GNL3L: variants seen among roughly 807,000 people sequenced by gnomAD.
GNL3L encodes guanine nucleotide-binding protein-like 3-like protein.
Under a neutral mutation model 42.9 loss-of-function variants are expected in GNL3L, and 4 were observed. The observed-to-expected ratio is 0.09, with a 90% CI of 0.05 to 0.21. The LOEUF is 0.21. Ranked by LOEUF, GNL3L falls within the 10% of genes least tolerant of loss-of-function variation. The probability of loss-of-function intolerance (pLI) is 1.00; values close to 1 mark genes in which losing one functional copy is unlikely to be tolerated. For synonymous variants in GNL3L, 159 were observed against 176.3 expected (o/e 0.90, Z 0.78); for missense variants, 412 against 481.7 (o/e 0.86, Z 1.36).
chrX:54,558,557 G>A lies in GNL3L; in HGVS notation c.1568G>A (p.Arg523His), dbSNP rs765688092. 1.7e-6 allele frequency: 2 copies of A among 1,209,140 alleles called. No individual in the cohort carries two copies. The highest frequency in any genetic ancestry group is 1.1e-6 in the Non-Finnish European group (1 of 893,428). ...SMVDVCSVDR[R>H]SVLQRIMETD... ...GTGGATGTCTGCTCAGTGGACCGCC[G>A]CTCAGTGCTGCAGAGGATCATGGAG... Residue 523 changes from arginine (R) to histidine (H), a missense_variant, in exon 15 of 16, where the codon CGC becomes CAC. By Grantham distance (29) the Arg-to-His change is conservative. Coordinates refer to ENST00000360845, the MANE Select transcript of GNL3L (RefSeq NM_001184819.2).
chrX:54,579,835 G>A (rs1299698333), intron 16 of GNL3L, among the ~76,000 whole-genome samples: 8 of 111,241 alleles, frequency 7.2e-5, no homozygotes, highest in South Asian at 3.7e-4. Context: ...GCGCCACAAC[G>A]CCTGGCTAAT....
intron 16 of GNL3L, among the ~76,000 whole-genome samples, chrX:54,617,029 A>G (rs1226253246): frequency 9.0e-6 from 1 of 111,661 alleles, no homozygotes; most frequent in Non-Finnish European, 1.9e-5. Context: ...CTGGCTTGTT[A>G]TTTGTGTGGG....
chrX:54,560,713 T>G lies in GNL3L; in HGVS notation c.*111T>G. On this transcript the variant is annotated 3_prime_UTR_variant, in exon 16 of 16. Transcript: ENST00000360845. Reference sequence around the variant, plus strand: ...AGCATCTGCATATTGAAAGAACGCTTTCCCCACTGTGTGTCTTCTCCCCCT... The same window carrying G: ...AGCATCTGCATATTGAAAGAACGCTGTCCCCACTGTGTGTCTTCTCCCCCT... 1.9e-6 allele frequency: 1 copy of G among 531,663 alleles called. No homozygotes were observed. The highest frequency in any genetic ancestry group is 3.5e-5 in the East Asian group (1 of 28,966). 43.8% of individuals were successfully genotyped at this position (531,663 alleles called of 1,213,427 possible).
At chrX:54,591,418 C>A (rs1027901303) in intron 16 of GNL3L, among the ~76,000 whole-genome samples, 2 of 109,058 alleles carry the variant, frequency 1.8e-5, no homozygotes, top group African/African-American at 6.7e-5. Context: ...CATGACAAAA[C>A]CCCATCTCTA....
chrX:54,623,657 C>T (rs754748532), downstream of GNL3L, among the ~76,000 whole-genome samples: 7 of 112,147 alleles, frequency 6.2e-5, no homozygotes, highest in African/African-American at 2.3e-4. Context: ...TACCCATTAA[C>T]ATGGGACTTG....
chrX:54,539,104 A>G lies in GNL3L; in HGVS notation c.81+3A>G, dbSNP rs1271073064. ...AGATAAGTTGGCCCTACCCTCAGGT[A>G]AGGTATGCCTGTTGTTGAGGGTAAG... is the stretch of plus-strand genomic sequence containing the variant. On this transcript the variant is annotated splice_donor_region_variant and intron_variant, in intron 3 of 15. Transcript: ENST00000360845. 3 of 1,070,391 alleles carry G rather than the reference A, an allele frequency of 2.8e-6. No homozygotes were observed. Among genetic ancestry groups the G allele is most frequent in the Non-Finnish European group, 3.9e-6 (3 of 775,199 alleles). 88.2% of individuals were successfully genotyped at this position (1,070,391 alleles called of 1,213,427 possible). A position where few individuals can be genotyped will look rare whatever the true frequency, so the allele number is the denominator to read the frequency against.
chrX:54,547,534 G>A (rs1260111187), intron 8 of GNL3L, among the ~76,000 whole-genome samples: 1 of 110,298 alleles, frequency 9.1e-6, no homozygotes, highest in Non-Finnish European at 1.9e-5. Context: ...GCGAAACTCT[G>A]TCTTTACTAA....
At chrX:54,547,894 C>T (rs940536200) in intron 8 of GNL3L, among the ~76,000 whole-genome samples, 4 of 111,652 alleles carry the variant, frequency 3.6e-5, no homozygotes, top group Non-Finnish European at 7.5e-5. Flanking sequence ...GCACTGAGGC[C>T]TGGAGAAGGG....
At chrX:54,540,384 T>A (rs1924574616) in intron 4 of GNL3L, 142 bp downstream of exon 4, 1 of 472,902 alleles carries the variant, frequency 2.1e-6, no homozygotes, top group African/African-American at 2.4e-5. Context: ...GAGGTTACCA[T>A]GATACTGGAT....
chrX:54,607,072 CTCTT>C (rs1353090651), intron 16 of GNL3L, among the ~76,000 whole-genome samples: 262 of 22,836 alleles, frequency 0.011, 16 homozygotes, highest in Middle Eastern at 0.027. Flanking sequence ...TTCTTTCTTT[CTCTT>C]TCTTTCTTCT....
chrX:54,642,260 A>G, the GNL3L span, among the ~76,000 whole-genome samples: 2 of 112,112 alleles, frequency 1.8e-5, no homozygotes, highest in African/African-American at 6.5e-5. Context: ...CCAGTGATGG[A>G]GCTGGTCTGT....
intron 16 of GNL3L, among the ~76,000 whole-genome samples, chrX:54,607,378 A>C (rs960739798): frequency 9.7e-6 from 1 of 103,447 alleles, no homozygotes; most frequent in Non-Finnish European, 2.0e-5. Context: ...TGAAAGAAAA[A>C]ATTTCCCTAT....
At position 54,566,076 on chromosome X, in the gene GNL3L, C is replaced by T. The variant is rs1925419877; in HGVS notation, c.*5474C>T. Among the ~76,000 whole-genome samples the T allele has an allele frequency of 9.0e-6, 1 of 111,419 alleles. No individual in the cohort carries two copies. The highest frequency in any genetic ancestry group is 1.9e-5 in the Non-Finnish European group (1 of 53,173). ...CCTCAAGTGATACACCCGTCTTAGC[C>T]TCCCAAAGTTCTGGGATTACAGGCA... is the stretch of plus-strand genomic sequence containing the variant. On this transcript the variant is annotated 3_prime_UTR_variant, in exon 16 of 16. Transcript: ENST00000360845.
downstream of GNL3L, among the ~76,000 whole-genome samples, chrX:54,621,967 T>C (rs905295312): frequency 1.8e-5 from 2 of 111,682 alleles, no homozygotes; most frequent in African/African-American, 6.5e-5. Context: ...GCAGTTTCTC[T>C]TGTGGCACAC....
chrX:54,587,400 CTAA>C (rs1362278768), intron 16 of GNL3L, among the ~76,000 whole-genome samples: 1 of 111,583 alleles, frequency 9.0e-6, no homozygotes, highest in Non-Finnish European at 1.9e-5. Flanking sequence ...CACTTTATGC[CTAA>C]TAATATTTGC....
intron 16 of GNL3L, among the ~76,000 whole-genome samples, chrX:54,587,664 T>A (rs1188805105): frequency 1.8e-5 from 2 of 110,514 alleles, no homozygotes; most frequent in Non-Finnish European, 3.8e-5. Flanking sequence ...GGAACAATTG[T>A]AATAGGGTGT....
At chrX:54,578,629 G>A (rs1285007257) in intron 16 of GNL3L, among the ~76,000 whole-genome samples, 1 of 112,146 alleles carries the variant, frequency 8.9e-6, no homozygotes, top group Non-Finnish European at 1.9e-5. Context: ...CCATTTTGTT[G>A]CATGTATCAT....
intron 16 of GNL3L, among the ~76,000 whole-genome samples, chrX:54,600,432 A>G (rs5915143): frequency 0.25 from 26,544 of 106,233 alleles, 6,285 homozygotes; most frequent in African/African-American, 0.74. Flanking sequence ...CTCCATGTTG[A>G]TCAGGCTGGT....
At chrX:54,532,461 G>A (rs1360332067) in intron 1 of GNL3L, 59 bp from the exon 2 acceptor site, 4 of 642,225 alleles carry the variant, frequency 6.2e-6, no homozygotes, top group Non-Finnish European at 1.0e-5. Context: ...CTTAGGAGGG[G>A]GCTTGTGGCA....
Sources: allele counts gnomAD v4.1 joint callset (sites outside exome capture counted in the v4.1 genomes callset), GRCh38; gene constraint gnomAD v4.1.1; transcripts MANE v1.5; gene names NCBI Gene and HGNC (gene_info 2026-07-23, HGNC 2026-07-21).